Variants in OR6K6 observed in about 807,000 individuals in gnomAD.
OR6K6 encodes the protein olfactory receptor family 6 subfamily K member 6, also known as olfactory receptor 6K6.
Under a neutral mutation model 8.1 loss-of-function variants are expected in OR6K6, and 9 were observed. The ratio of observed to expected loss-of-function variants is 1.11; its 90% confidence interval spans 0.67 to 1.94. The LOEUF (loss-of-function observed/expected upper bound fraction) is 1.94. OR6K6 is among the 30% of genes most tolerant of loss of function. The pLI, the probability that OR6K6 is intolerant of heterozygous loss-of-function variation, is 0.00. For synonymous variants in OR6K6, 156 were observed against 140.3 expected (o/e 1.11, Z -0.79); for missense variants, 400 against 383.1 (o/e 1.04, Z -0.37).
exon 1 of OR6K6, chr1:158,754,987 C>T (rs1488689027): frequency 1.9e-6 from 3 of 1,613,978 alleles, no homozygotes; most frequent in Non-Finnish European, 2.5e-6. Context: ...ATTCTTTATT[C>T]CCTTGCTTCT....
exon 1 of OR6K6, chr1:158,755,416 C>A (rs375044145): frequency 9.3e-6 from 15 of 1,614,078 alleles, no homozygotes; most frequent in Non-Finnish European, 1.1e-5. Context: ...TGGCTCCAAC[C>A]AGATCCACCA....
chr1:158,755,725 A>G, exon 1 of OR6K6: 1 of 1,614,126 alleles, frequency 6.2e-7, no homozygotes, highest in Non-Finnish European at 8.5e-7. Context: ...AATTGCTGTC[A>G]CTTTTGTTAT....
chr1:158,755,252 T>C (rs754999540), exon 1 of OR6K6: 1 of 1,614,108 alleles, frequency 6.2e-7, no homozygotes, highest in Non-Finnish European at 8.5e-7. Flanking sequence ...CTGACAGCAA[T>C]GGCCATTGAC....
chr1:158,755,816 A>T (rs774831574), exon 1 of OR6K6: 1 of 1,611,534 alleles, frequency 6.2e-7, no homozygotes, highest in African/African-American at 1.3e-5. Context: ...CTTTTCCACT[A>T]TCAGAAGAGG....
At chr1:158,755,364 T>C (rs1229290149) in exon 1 of OR6K6, 2 of 1,614,212 alleles carry the variant, frequency 1.2e-6, no homozygotes, top group Non-Finnish European at 1.7e-6. Context: ...GCTTCCTCCT[T>C]GTGCTTCCTG....
At chr1:158,754,799 A>T (rs186791245) in exon 1 of OR6K6, 7 of 1,563,800 alleles carry the variant, frequency 4.5e-6, no homozygotes, top group Non-Finnish European at 6.1e-6. Flanking sequence ...AGCTTGAGTA[A>T]CTCATTACAG....
At chr1:158,755,204 A>G (rs765906122) in exon 1 of OR6K6, 3 of 1,613,968 alleles carry the variant, frequency 1.9e-6, no homozygotes, top group Non-Finnish European at 2.5e-6. Flanking sequence ...CTGCAGATGT[A>G]CTTTTTCCAC....
chr1:158,755,051 T>C, exon 1 of OR6K6: 1 of 1,614,168 alleles, frequency 6.2e-7, no homozygotes. Context: ...GTCATCCAGG[T>C]GGGCATGGCC....
In OR6K6 at chr1:158,755,479, C is replaced by T. The variant is rs74122456; in HGVS notation, c.592C>T (p.Leu198=). Reference sequence around the variant, plus strand: ...GAGCTTGGCCTGCACAGATACATTCCTAGTGGTCATTGTGGATGCCATCCA... The same window carrying T: ...GAGCTTGGCCTGCACAGATACATTCTTAGTGGTCATTGTGGATGCCATCCA... Residue 198 remains leucine (L), a synonymous_variant, in exon 1 of 1, where the codon CTA becomes TTA. Transcript: ENST00000641861. 6.1e-3 allele frequency: 9,860 copies of T among 1,614,094 alleles called. 468 individuals carry two copies. The African/African-American group carries it at 0.11, about 18-fold the overall frequency.
At chr1:158,754,859 G>A (rs1656948890) in exon 1 of OR6K6, 2 of 1,613,334 alleles carry the variant, frequency 1.2e-6, no homozygotes, top group Admixed American at 1.7e-5. Flanking sequence ...AATTATAGGA[G>A]TCTCTTGTTT....
exon 1 of OR6K6, chr1:158,755,032 A>G: frequency 6.2e-7 from 1 of 1,614,072 alleles, no homozygotes; most frequent in Non-Finnish European, 8.5e-7. Flanking sequence ...AAACCTAATA[A>G]TGTTCATTGT....
chr1:158,755,866 C>A, exon 1 of OR6K6: 1 of 1,545,452 alleles, frequency 6.5e-7, no homozygotes. Context: ...CCTGGAGACT[C>A]TAAAAAGCCT....
At chr1:158,754,765 T>G in exon 1 of OR6K6, 1 of 1,343,788 alleles carries the variant, frequency 7.4e-7, no homozygotes, top group Non-Finnish European at 1.0e-6. Flanking sequence ...TATTTCTAAC[T>G]GGTTTCTTCA....
exon 1 of OR6K6, chr1:158,754,998 C>T (rs561860558): frequency 1.9e-6 from 3 of 1,614,060 alleles, no homozygotes; most frequent in South Asian, 1.1e-5. Context: ...CCTTGCTTCT[C>T]ATCTACGGAT....
At chr1:158,755,270 T>C (rs770369462) in exon 1 of OR6K6, 5 of 1,614,000 alleles carry the variant, frequency 3.1e-6, no homozygotes, top group South Asian at 1.1e-5. Flanking sequence ...GACAGGTACA[T>C]AGCTATCTGC....
At chr1:158,755,661 G>A (rs1215789253) in exon 1 of OR6K6, 1 of 1,614,156 alleles carries the variant, frequency 6.2e-7, no homozygotes, top group South Asian at 1.1e-5. Context: ...TTGGCAGTGT[G>A]GCTGTCATGT....
chr1:158,754,893 A>G (rs1359428193), exon 1 of OR6K6: 4 of 1,613,942 alleles, frequency 2.5e-6, no homozygotes, highest in Non-Finnish European at 3.4e-6. Context: ...CACAGATGAC[A>G]CAGTTGACGG....
exon 1 of OR6K6, chr1:158,754,953 G>A (rs199918253): frequency 5.0e-6 from 8 of 1,613,992 alleles, no homozygotes; most frequent in African/African-American, 2.7e-5. Flanking sequence ...CTATGTTCCC[G>A]CATGCGCACA....
chr1:158,755,555 G>T (rs16841038), exon 1 of OR6K6: 2 of 1,614,010 alleles, frequency 1.2e-6, no homozygotes, highest in Non-Finnish European at 1.7e-6. Flanking sequence ...TCCTACATCC[G>T]GATTATTATA....
Sources: allele counts gnomAD v4.1 joint callset, GRCh38; gene constraint gnomAD v4.1.1; transcripts MANE v1.5; gene names NCBI Gene and HGNC (gene_info 2026-07-23, HGNC 2026-07-21).